Variants in CCSER1 observed in about 807,000 individuals in gnomAD.
CCSER1 encodes the protein serine-rich coiled-coil domain-containing protein 1.
A neutral mutation model predicts 82.0 loss-of-function variants in CCSER1; 41 were observed. That is an observed-to-expected ratio of 0.50 (90% CI 0.39 to 0.65). CCSER1 has a LOEUF of 0.65. Ranked by LOEUF, CCSER1 falls within the 30% of genes least tolerant of loss-of-function variation. The pLI is 0.00. For synonymous variants in CCSER1, 414 were observed against 383.9 expected (o/e 1.08, Z -0.92); for missense variants, 1,119 against 1,064.2 (o/e 1.05, Z -0.72).
intron 5 of CCSER1, among the ~76,000 whole-genome samples, chr4:90,536,205 T>G (rs1775334929): frequency 6.6e-6 from 1 of 152,000 alleles, no homozygotes; most frequent in Admixed American, 6.6e-5. Context: ...GCTAATTTTT[T>G]GTATTTTTAG....
At chr4:91,390,244 A>T (rs1751566146) in intron 10 of CCSER1, among the ~76,000 whole-genome samples, 1 of 151,892 alleles carries the variant, frequency 6.6e-6, no homozygotes, top group African/African-American at 2.4e-5. Flanking sequence ...ATTTTATTTT[A>T]TCATGGTTGG....
chr4:90,705,218 T>G (rs571046527), intron 6 of CCSER1, among the ~76,000 whole-genome samples: 58 of 152,364 alleles, frequency 3.8e-4, no homozygotes, highest in Non-Finnish European at 5.4e-4. Flanking sequence ...GCAGGTCTGT[T>G]GGAGTTTGCT....
intron 9 of CCSER1, among the ~76,000 whole-genome samples, chr4:91,052,420 T>C (rs1271404243): frequency 6.6e-6 from 1 of 152,114 alleles, no homozygotes; most frequent in Non-Finnish European, 1.5e-5. Context: ...ATAAAGCTTT[T>C]TAAAAATATA....
intron 10 of CCSER1, among the ~76,000 whole-genome samples, chr4:91,394,247 A>C (rs1413588389): frequency 6.6e-6 from 1 of 152,132 alleles, no homozygotes; most frequent in Admixed American, 6.6e-5. Context: ...AAGGTAGTAA[A>C]AAATTAAATA....
chr4:90,989,948 T>C (rs1473403670), intron 9 of CCSER1, among the ~76,000 whole-genome samples: 3 of 151,732 alleles, frequency 2.0e-5, no homozygotes, highest in Non-Finnish European at 2.9e-5. Flanking sequence ...AGCACTTAGT[T>C]ATTGTTTCTT....
chr4:90,998,605 A>T (rs1737715006), intron 9 of CCSER1, among the ~76,000 whole-genome samples: 1 of 152,214 alleles, frequency 6.6e-6, no homozygotes, highest in South Asian at 2.1e-4. Context: ...ATTTATTCTT[A>T]ATTGCTCTGA....
At chr4:91,111,545 T>C (rs542625466) in intron 10 of CCSER1, among the ~76,000 whole-genome samples, 22 of 151,982 alleles carry the variant, frequency 1.4e-4, no homozygotes, top group African/African-American at 5.1e-4. Context: ...CAAGTATTTT[T>C]CATAATTTCT....
intron 9 of CCSER1, among the ~76,000 whole-genome samples, chr4:91,073,624 A>G (rs1219718978): frequency 2.0e-5 from 3 of 152,182 alleles, no homozygotes; most frequent in African/African-American, 7.2e-5. Context: ...ACAAACTGAT[A>G]GAGTAAAATA....
At chr4:91,456,095 C>T (rs1206728363) in intron 10 of CCSER1, among the ~76,000 whole-genome samples, 1 of 151,900 alleles carries the variant, frequency 6.6e-6, no homozygotes, top group East Asian at 1.9e-4. Flanking sequence ...TTTATTTCTC[C>T]CAGTTCTGGA....
At position 91,180,422 on chromosome 4, in the gene CCSER1, G is replaced by T. The variant is rs562593942; in HGVS notation, c.2217+94428G>T. 1.2e-4 allele frequency among the ~76,000 whole-genome samples: 19 copies of T among 152,354 alleles called. No homozygotes were observed. The South Asian group carries it at 3.9e-3, about 32-fold the overall frequency. ...TGCCCCCAGAGGTGGAGTCTACAGA[G>T]GCAGGCAGGCCTTCTTGAGCTGTGG... is the stretch of plus-strand genomic sequence containing the variant. On this transcript the variant is annotated intron_variant, in intron 10 of 10. Transcript: ENST00000509176.
intron 9 of CCSER1, among the ~76,000 whole-genome samples, chr4:90,929,239 T>C (rs866742131): frequency 3.3e-5 from 5 of 152,058 alleles, no homozygotes; most frequent in Admixed American, 1.3e-4. Flanking sequence ...TGAAAAAAAA[T>C]TAACTAAAAG....
chr4:91,371,070 C>T (rs1750009141), intron 10 of CCSER1, among the ~76,000 whole-genome samples: 1 of 152,060 alleles, frequency 6.6e-6, no homozygotes, highest in African/African-American at 2.4e-5. Flanking sequence ...ATCATATTGG[C>T]CAGGCTTATC....
At chr4:90,397,099 A>G (rs988193848) in intron 3 of CCSER1, among the ~76,000 whole-genome samples, 1 of 152,214 alleles carries the variant, frequency 6.6e-6, no homozygotes, top group Non-Finnish European at 1.5e-5. Flanking sequence ...AAGTTTCACC[A>G]GCTTCAAAGA....
chr4:91,054,394 A>T (rs988996218), intron 9 of CCSER1, among the ~76,000 whole-genome samples: 1 of 152,098 alleles, frequency 6.6e-6, no homozygotes, highest in Non-Finnish European at 1.5e-5. Context: ...TTTCATTTAG[A>T]TGGAATCTTT....
At chr4:90,413,967 AAAAAAAAAAAAAAAATATATAT>A in intron 4 of CCSER1, among the ~76,000 whole-genome samples, 1 of 111,464 alleles carries the variant, frequency 9.0e-6, no homozygotes, top group African/African-American at 4.5e-5. Flanking sequence ...AAAAAAAAAA[AAAAAAAAAAAAAAAATATATAT>A]ATATATATAT....
chr4:90,441,748 T>C (rs1472662473), intron 4 of CCSER1, among the ~76,000 whole-genome samples: 3 of 152,232 alleles, frequency 2.0e-5, no homozygotes, highest in Non-Finnish European at 2.9e-5. Flanking sequence ...GTACCTCGTG[T>C]CTGTGCTCCT....
chr4:90,470,912 C>T (rs533350919), intron 5 of CCSER1, among the ~76,000 whole-genome samples: 5 of 151,940 alleles, frequency 3.3e-5, no homozygotes, highest in African/African-American at 1.2e-4. Flanking sequence ...GTTGATGTTG[C>T]ATGACAAGCC....
intron 10 of CCSER1, among the ~76,000 whole-genome samples, chr4:91,270,355 T>G (rs911345877): frequency 2.0e-5 from 3 of 152,228 alleles, no homozygotes; most frequent in Non-Finnish European, 4.4e-5. Flanking sequence ...TACTCTTTTC[T>G]ATACCTATGT....
At chr4:91,505,139 T>G (rs907622572) in intron 10 of CCSER1, among the ~76,000 whole-genome samples, 26 of 152,252 alleles carry the variant, frequency 1.7e-4, no homozygotes, top group African/African-American at 6.3e-4. Context: ...CCCTTCCCTG[T>G]GTCCATGTGC....
Sources: gnomAD v4.1 joint callset for allele counts (sites outside exome capture counted in the v4.1 genomes callset) on GRCh38, gnomAD v4.1.1 for gene constraint, MANE v1.5 for transcripts, NCBI Gene and HGNC (gene_info 2026-07-23, HGNC 2026-07-21) for gene names.